EHBP1L1: variants seen among roughly 807,000 people sequenced by gnomAD.
The protein encoded by EHBP1L1 is EH domain-binding protein 1-like protein 1.
In EHBP1L1, 122 loss-of-function variants were observed where a neutral mutation model predicts 151.1. That is an observed-to-expected ratio of 0.81 (90% CI 0.70 to 0.94). The LOEUF (loss-of-function observed/expected upper bound fraction) is 0.94. EHBP1L1 is among the 40% of genes least tolerant of loss of function. The probability of loss-of-function intolerance (pLI) is 0.00; values close to 1 mark genes in which losing one functional copy is unlikely to be tolerated. For missense variants in EHBP1L1, 1,941 were observed against 1,959.8 expected (o/e 0.99, Z 0.18); for synonymous variants, 878 against 810.1 (o/e 1.08, Z -1.42).
In EHBP1L1 at chr11:65,585,476, C is replaced by T. The variant is rs1565129234; in HGVS notation, c.3818C>T (p.Ser1273Phe). The change falls in exon 12 of 19, where the codon TCC (serine) becomes TTC (phenylalanine). Residue 1273 changes from serine to phenylalanine, a missense_variant. Transcript: ENST00000309295. The surrounding 1 kb of genome is among the most constrained non-coding windows in gnomAD (Gnocchi z 4.0). ...GTGCCCCCGCCCCGCGCGCACGGCT[C>T]CTTCTCCCACGTGCGCGACGCGGAC... ...GSVPPPRAHG[S>F]FSHVRDADLL... 6.5e-7 allele frequency: 1 copy of T among 1,539,298 alleles called. No individual in the cohort carries two copies. Among genetic ancestry groups the T allele is most frequent in the East Asian group, 2.4e-5 (1 of 40,886 alleles).
chr11:65,584,767 G>A, intron 11 of EHBP1L1, 192 bp from the exon 12 acceptor site: 1 of 963,628 alleles, frequency 1.0e-6, no homozygotes, highest in Non-Finnish European at 1.5e-6. Flanking sequence ...GTAACGGGGT[G>A]GACGGTGTGC....
chr11:65,578,774 C>G (rs1857440929), intron 1 of EHBP1L1, among the ~76,000 whole-genome samples: 1 of 152,242 alleles, frequency 6.6e-6, no homozygotes, highest in South Asian at 2.1e-4. Flanking sequence ...CCTTGTGTTT[C>G]TGTGTGTCTT....
At position 65,579,324 on chromosome 11, in the gene EHBP1L1, C is replaced by T; in HGVS notation, c.163-17C>T. The T allele has an allele frequency of 6.5e-7, 1 of 1,529,372 alleles. No homozygotes were observed. Among genetic ancestry groups the T allele is most frequent in the Non-Finnish European group, 8.8e-7 (1 of 1,133,504 alleles). 94.7% of individuals were successfully genotyped at this position (1,529,372 alleles called of 1,614,324 possible). On this transcript the variant is annotated splice_polypyrimidine_tract_variant and intron_variant, in intron 2 of 18. Coordinates refer to ENST00000309295, the MANE Select transcript of EHBP1L1 (RefSeq NM_001099409.3). ...GAAGAGTTAAGATGGGGGGAGGACT[C>T]AGATTGTCCCTTGTAGGCCCACAGC...
chr11:65,590,397 T>C (rs1215422155), intron 15 of EHBP1L1, 96 bp from the exon 16 acceptor site: 5 of 1,514,776 alleles, frequency 3.3e-6, no homozygotes, highest in Non-Finnish European at 4.5e-6. Flanking sequence ...GCTTCTGGGA[T>C]GTCACAAGGG....
Position 65,591,787 on chromosome 11 carries a change from C to G in EHBP1L1, c.4284-13C>G. On this transcript the variant is annotated splice_polypyrimidine_tract_variant and intron_variant, in intron 16 of 18. Coordinates refer to ENST00000309295, the MANE Select transcript of EHBP1L1 (RefSeq NM_001099409.3). ...TGCCACCCCCCCGCCACCCACCCCC[C>G]GCCACCTTCCAGCATGGAGGAGCAG... The G allele has an allele frequency of 6.5e-7, 1 of 1,535,218 alleles. No homozygotes were observed. The highest frequency in any genetic ancestry group is 2.5e-5 in the East Asian group (1 of 40,760).
Position 65,582,520 on chromosome 11 carries a change from G to C in EHBP1L1, c.1848G>C (p.Arg616Ser), listed in dbSNP as rs749279342. ...GALEKEAARS[R>S]VLESEVAGTA... ...TGGAGAAAGAAGCAGCAAGATCAAG[G>C]GTCCTGGAGTCAGAGGTTGCTGGGA... Residue 616 changes from arginine to serine, a missense_variant, in exon 9 of 19, where the codon AGG becomes AGC. Physicochemically the swap from Arg to Ser is moderately radical, Grantham distance 110 (BLOSUM62 -1). Transcript: ENST00000309295. 3 of 1,613,310 alleles carry C rather than the reference G, an allele frequency of 1.9e-6. No homozygotes were observed. The highest frequency in any genetic ancestry group is 1.1e-5 in the South Asian group (1 of 91,090).
In EHBP1L1 at chr11:65,582,221, G is replaced by C. The variant is rs183538635; in HGVS notation, c.1549G>C (p.Gly517Arg). Residue 517 changes from glycine to arginine, a missense_variant, in exon 9 of 19, where the codon GGT (glycine) becomes CGT (arginine). Coordinates refer to ENST00000309295, the MANE Select transcript of EHBP1L1 (RefSeq NM_001099409.3). ...TGCAGAAGTGAGGGGTGGAGCACCTGGTATTGAGGGGACAGGCCTGGAGCA... is the reference window on the plus strand; with the variant it reads ...TGCAGAAGTGAGGGGTGGAGCACCTCGTATTGAGGGGACAGGCCTGGAGCA... ...EGAEVRGGAP[G>R]IEGTGLEQGP... 9.9e-4 allele frequency: 1,518 copies of C among 1,530,642 alleles called. 11 individuals carry two copies. In the African/African-American group the frequency reaches 0.017, roughly 17 times the overall value. 94.8% of individuals were successfully genotyped at this position (1,530,642 alleles called of 1,614,324 possible).
intron 16 of EHBP1L1, 118 bp downstream of exon 16, chr11:65,590,710 T>G (rs1195229789): frequency 3.2e-6 from 3 of 941,666 alleles, no homozygotes; most frequent in East Asian, 5.4e-5. Flanking sequence ...TCTTCCATCT[T>G]ACTGTTTTTG....
chr11:65,584,907 C>G (rs1033739089), intron 11 of EHBP1L1, 52 bp from the exon 12 acceptor site: 19 of 1,524,014 alleles, frequency 1.2e-5, no homozygotes, highest in Non-Finnish European at 1.6e-5. Context: ...GCAGCGTTGC[C>G]GGGTGGCGCG....
intron 6 of EHBP1L1, 108 bp from the exon 7 acceptor site, chr11:65,580,950 A>G (rs976122930): frequency 2.7e-6 from 4 of 1,471,488 alleles, no homozygotes; most frequent in Non-Finnish European, 2.7e-6. Flanking sequence ...CCCTGAGGCC[A>G]GGGCGTTTCC....
In EHBP1L1 at chr11:65,585,960, G is replaced by T. The variant is rs545214642; in HGVS notation, c.3933+369G>T. Among the ~76,000 whole-genome samples, 1 of 152,298 alleles carries T rather than the reference G, an allele frequency of 6.6e-6. No homozygotes were observed. The highest frequency in any genetic ancestry group is 2.1e-4 in the South Asian group (1 of 4,822). ...GGAGCATCCACGTTCCTGGCACTCTGCCCAGTGCTTGGTAGGCTGGAAGGT... is the reference window on the plus strand; with the variant it reads ...GGAGCATCCACGTTCCTGGCACTCTTCCCAGTGCTTGGTAGGCTGGAAGGT... On this transcript the variant is annotated intron_variant, in intron 12 of 18. Coordinates refer to ENST00000309295, the MANE Select transcript of EHBP1L1 (RefSeq NM_001099409.3). The surrounding 1 kb of genome is among the most constrained non-coding windows in gnomAD (Gnocchi z 4.0).
At position 65,579,145 on chromosome 11, in the gene EHBP1L1, GA is replaced by G. The variant is rs1565119042; in HGVS notation, c.162+11del. On this transcript the variant is annotated intron_variant, in intron 2 of 18. Transcript: ENST00000309295. ...ACGCATCTGCTCCAAGGTGGGGAAG[GA>G]TGGCAACTGGGGATCCAGGTTAGGG... 1 of 1,588,082 alleles carries G rather than the reference GA, an allele frequency of 6.3e-7. No homozygotes were observed. Among genetic ancestry groups the G allele is most frequent in the South Asian group, 1.1e-5 (1 of 87,042 alleles).
At chr11:65,581,171 C>T in intron 7 of EHBP1L1, 40 bp from the exon 8 acceptor site, 1 of 1,611,496 alleles carries the variant, frequency 6.2e-7, no homozygotes. Context: ...GACCCCAGGT[C>T]ACTGGGCCCA....
At position 65,590,216 on chromosome 11, in the gene EHBP1L1, G is replaced by T. The variant is rs1333973588; in HGVS notation, c.4183+6G>T. 1.9e-6 allele frequency: 3 copies of T among 1,612,478 alleles called. No homozygotes were observed. The highest frequency in any genetic ancestry group is 1.1e-5 in the South Asian group (1 of 90,776). ...GAGGAGCCTCATGGAGTCAGGTGGG[G>T]CATACATCTAGGGATCCCTTCCCCA... On this transcript the variant is annotated splice_donor_region_variant and intron_variant, in intron 15 of 18. Transcript: ENST00000309295.
Position 65,585,190 on chromosome 11 carries a change from C to T in EHBP1L1, c.3532C>T (p.Leu1178=). 1 of 1,249,668 alleles carries T rather than the reference C, an allele frequency of 8.0e-7. No individual in the cohort carries two copies. Among genetic ancestry groups the T allele is most frequent in the Non-Finnish European group, 1.0e-6 (1 of 995,152 alleles). The allele number at this position is 1,249,668 out of a possible 1,614,324, so 77.4% of individuals were successfully genotyped here. ...SPPDDLDAGG[L]AQRLRGHGAE... is the part of the protein sequence containing the mutation. ...GCCCGACGACCTGGACGCCGGAGGC[C>T]TGGCGCAGCGGCTGCGCGGTCACGG... is the stretch of plus-strand genomic sequence containing the variant. The change falls in exon 12 of 19, where the codon CTG becomes TTG. Residue 1178 remains leucine, a synonymous_variant. Coordinates refer to ENST00000309295, the MANE Select transcript of EHBP1L1 (RefSeq NM_001099409.3). The surrounding 1 kb of genome is among the most constrained non-coding windows in gnomAD (Gnocchi z 4.0).
chr11:65,579,717 C>T (rs1857501704), intron 3 of EHBP1L1, among the ~76,000 whole-genome samples: 1 of 151,268 alleles, frequency 6.6e-6, no homozygotes, highest in Admixed American at 6.6e-5. Context: ...ATCCCAGCTA[C>T]TTGGGAGGCT....
Position 65,591,787 on chromosome 11 carries a change from C to CCCCCCCCG in EHBP1L1, c.4284-13_4284-12insCCCCCCCG. The stretch of plus-strand genomic sequence containing the variant: ...TGCCACCCCCCCGCCACCCACCCCC[C>CCCCCCCCG]GCCACCTTCCAGCATGGAGGAGCAG... On this transcript the variant is annotated splice_polypyrimidine_tract_variant and intron_variant, in intron 16 of 18. Coordinates refer to ENST00000309295, the MANE Select transcript of EHBP1L1 (RefSeq NM_001099409.3). 6.5e-7 allele frequency: 1 copy of CCCCCCCCG among 1,535,216 alleles called. No individual in the cohort carries two copies. The highest frequency in any genetic ancestry group is 8.8e-7 in the Non-Finnish European group (1 of 1,136,206).
Position 65,583,019 on chromosome 11 carries a change from G to T in EHBP1L1, c.2347G>T (p.Asp783Tyr). Reference sequence around the variant, plus strand: ...GGGGACCCAAGAGATAGCATCTAGGGATTCAGGGGTCCCAGGGTTAGAAGC... The same window carrying T: ...GGGGACCCAAGAGATAGCATCTAGGTATTCAGGGGTCCCAGGGTTAGAAGC... ...ILGTQEIASR[D>Y]SGVPGLEADT... The change falls in exon 9 of 19, where the codon GAT becomes TAT. Residue 783 changes from aspartate to tyrosine, a missense_variant. By Grantham distance (160) the Asp-to-Tyr change is radical. Coordinates refer to ENST00000309295, the MANE Select transcript of EHBP1L1 (RefSeq NM_001099409.3). 6.2e-7 allele frequency: 1 copy of T among 1,612,970 alleles called. No homozygotes were observed. Among genetic ancestry groups the T allele is most frequent in the Non-Finnish European group, 8.5e-7 (1 of 1,179,546 alleles).
chr11:65,576,918 C>T (rs897372076), intron 1 of EHBP1L1, among the ~76,000 whole-genome samples: 5 of 152,052 alleles, frequency 3.3e-5, no homozygotes, highest in African/African-American at 1.2e-4. Context: ...AGGCTGGAAA[C>T]ATCTCCACAA....
Sources: allele counts gnomAD v4.1 joint callset (sites outside exome capture counted in the v4.1 genomes callset), GRCh38; gene constraint gnomAD v4.1.1; non-coding constraint Gnocchi (gnomAD v3.1); transcripts MANE v1.5; gene names NCBI Gene and HGNC (gene_info 2026-07-23, HGNC 2026-07-21).